Variants in CHD8 observed in about 807,000 individuals in gnomAD.
The protein encoded by CHD8 is ATP-dependent chromatin remodeler CHD8.
Under a neutral mutation model 279.2 loss-of-function variants are expected in CHD8, and 31 were observed. That is an observed-to-expected ratio of 0.11 (90% confidence interval 0.08 to 0.15). The LOEUF is 0.15. CHD8 is among the 10% of genes least tolerant of loss of function. CHD8 has a pLI of 1.00. For missense variants in CHD8, 2,146 were observed against 3,230.5 expected, an observed-to-expected ratio of 0.66 and a Z score of 8.14; for synonymous variants, 1,081 against 1,139.6, an observed-to-expected ratio of 0.95 and a Z score of 1.04.
chr14:21,391,692 G>T, intron 35 of CHD8, 50 bp from the exon 36 acceptor site: 2 of 1,519,118 alleles, frequency 1.3e-6, no homozygotes, highest in Non-Finnish European at 1.8e-6. Context: ...CTTTGGGGGA[G>T]GGAGGGAGGG....
chr14:21,398,186 T>C (rs1306083641), intron 26 of CHD8: 3 of 261,826 alleles, frequency 1.1e-5, no homozygotes, highest in Admixed American at 1.0e-4. Flanking sequence ...TCCCAAAGTG[T>C]TGGGATTCCA....
At chr14:21,416,364 T>C (rs1019905914) in intron 5 of CHD8, 6 of 152,700 alleles carry the variant, frequency 3.9e-5, no homozygotes, top group African/African-American at 1.2e-4. Flanking sequence ...TGATATTTCC[T>C]GGAAATGTTT....
In CHD8 at chr14:21,431,783, A is replaced by C. The variant is rs758776754; in HGVS notation, c.-140T>G. ...ACTACTCTTCAAGTATAGAGGCAAG[A>C]AACAAGTGCATGTCAGATTGTCCTG... On this transcript the variant is annotated 5_prime_UTR_variant, in exon 2 of 38. Coordinates refer to ENST00000646647, the MANE Select transcript of CHD8 (RefSeq NM_001170629.2). 12 of 1,613,636 alleles carry C rather than the reference A, an allele frequency of 7.4e-6. No homozygotes were observed. The highest frequency in any genetic ancestry group is 9.3e-6 in the Non-Finnish European group (11 of 1,179,586).
At chr14:21,447,362 A>G (rs1050737864) in intron 1 of CHD8, among the ~76,000 whole-genome samples, 13 of 151,152 alleles carry the variant, frequency 8.6e-5, no homozygotes, top group African/African-American at 3.2e-4. Flanking sequence ...TGAACGGATG[A>G]CACTATATCC....
chr14:21,431,176 G>C lies in CHD8; in HGVS notation c.468C>G (p.Ala156=). 6.3e-7 allele frequency: 1 copy of C among 1,599,216 alleles called. No individual in the cohort carries two copies. Among genetic ancestry groups the C allele is most frequent in the Non-Finnish European group, 8.5e-7 (1 of 1,179,690 alleles). The change falls in exon 2 of 38, where the codon GCC becomes GCG. Residue 156 remains alanine (A), a synonymous_variant. Transcript: ENST00000646647. ...SSAGGQPPQS[A]PKIVILKAPP... is the part of the protein sequence containing the mutation. ...GGGCCTTAAGGATAACAATCTTAGG[G>C]GCTGACTGAGGTGGCTGCCCTCCAG...
chr14:21,437,376 C>T, intron 1 of CHD8: 1 of 551,648 alleles, frequency 1.8e-6, no homozygotes, highest in Non-Finnish European at 2.4e-6. Flanking sequence ...CTATAAGGAG[C>T]TCCCTTCCCC....
chr14:21,452,119 C>T (rs905722616), intron 1 of CHD8, among the ~76,000 whole-genome samples: 2 of 152,146 alleles, frequency 1.3e-5, no homozygotes, highest in Non-Finnish European at 2.9e-5. Flanking sequence ...AGGCTCACTG[C>T]CATCTCCGCC....
Position 21,394,013 on chromosome 14 carries a change from G to C in CHD8, c.5782C>G (p.Arg1928Gly). The C allele has an allele frequency of 1.9e-6, 3 of 1,613,778 alleles. No homozygotes were observed. Among genetic ancestry groups the C allele is most frequent in the Non-Finnish European group, 2.5e-6 (3 of 1,179,820 alleles). Residue 1928 changes from arginine to glycine, a missense_variant, in exon 32 of 38, where the codon CGG becomes GGG. Physicochemically the swap from Arg to Gly is moderately radical, Grantham distance 125 (BLOSUM62 -2). Around this residue, in one of 26 missense-constraint regions of CHD8, gnomAD observed 513 missense variants for 637.6 expected, o/e 0.80. Coordinates refer to ENST00000646647, the MANE Select transcript of CHD8 (RefSeq NM_001170629.2). ...PELPKWWEPV[R>G]HDGELLRGAA... ...CCTCTTAGAAGCTCCCCATCATGCC[G>C]AACAGGCTCCCACCATTTGGGCAAT...
At chr14:21,417,488 G>A (rs1293005774) in intron 5 of CHD8, among the ~76,000 whole-genome samples, 1 of 152,134 alleles carries the variant, frequency 6.6e-6, no homozygotes, top group Non-Finnish European at 1.5e-5. Context: ...GACTGAGGTG[G>A]CAGGATCACT....
rs1487004224 is a variant in CHD8 at position 21,400,296 on chromosome 14, G to T, written c.4582C>A (p.Pro1528Thr). The change falls in exon 24 of 38, where the codon CCT becomes ACT. Residue 1528 changes from proline (P) to threonine (T), a missense_variant. Pro to Thr is a conservative substitution (Grantham distance 38, BLOSUM62 -1). Coordinates refer to ENST00000646647, the MANE Select transcript of CHD8 (RefSeq NM_001170629.2). The surrounding 1 kb of genome is among the most constrained non-coding windows in gnomAD (Gnocchi z 4.2). Reference sequence around the variant, plus strand: ...TTTCCTTTGCGTCCACGAGGCACAGGGATAGATAGACCTGGGAAAGGGGAG... The same window carrying T: ...TTTCCTTTGCGTCCACGAGGCACAGTGATAGATAGACCTGGGAAAGGGGAG... ...ELQNHSGLSI[P>T]VPRGRKGKKV... 6.2e-7 allele frequency: 1 copy of T among 1,613,736 alleles called. No individual in the cohort carries two copies. The highest frequency in any genetic ancestry group is 8.5e-7 in the Non-Finnish European group (1 of 1,179,882).
chr14:21,426,291 A>G, intron 4 of CHD8, 49 bp from the exon 5 acceptor site: 1 of 963,800 alleles, frequency 1.0e-6, no homozygotes, highest in Non-Finnish European at 1.6e-6. Context: ...AAGAAAATTT[A>G]GGAGTAAAAA....
intron 34 of CHD8, 118 bp downstream of exon 34, chr14:21,392,389 G>T (rs1211094993): frequency 1.9e-6 from 2 of 1,036,664 alleles, no homozygotes; most frequent in African/African-American, 1.6e-5. Flanking sequence ...TGTAAGCTCT[G>T]TTTTCTCATT....
intron 1 of CHD8, among the ~76,000 whole-genome samples, chr14:21,439,705 G>C (rs1355145283): frequency 6.6e-6 from 1 of 152,088 alleles, no homozygotes; most frequent in Non-Finnish European, 1.5e-5. Context: ...AATCAAACTT[G>C]TGCTGGAAAA....
At chr14:21,445,373 C>A (rs61973192) in intron 1 of CHD8, among the ~76,000 whole-genome samples, 3,718 of 151,700 alleles carry the variant, frequency 0.025, 51 homozygotes, top group African/African-American at 0.032. Context: ...AATTCAAGAC[C>A]TGCCTGGCCA....
rs770593901 is a variant in CHD8, at chr14:21,392,779, C to T, written c.6499G>A (p.Val2167Ile). The T allele has an allele frequency of 1.4e-5, 22 of 1,613,664 alleles. No homozygotes were observed. The highest frequency in any genetic ancestry group is 2.2e-5 in the South Asian group (2 of 91,072). ...TTCCCTGAGAGTACAGCCTGGCAGA[C>T]GAGGTCAATACGGTTTATCAGGACA... ...DRVLINRIDL[V>I]CQAVLSGKWP... Residue 2167 changes from valine to isoleucine, a missense_variant, in exon 34 of 38, where the codon GTC becomes ATC. By Grantham distance (29) the Val-to-Ile change is conservative (BLOSUM62 3). Transcript: ENST00000646647.
intron 1 of CHD8, chr14:21,436,898 T>C: frequency 8.0e-7 from 1 of 1,253,356 alleles, no homozygotes; most frequent in Non-Finnish European, 1.0e-6. Context: ...CCGGGTACAT[T>C]ACCTGCTCAT....
intron 1 of CHD8, chr14:21,437,270 T>G (rs1889825753): frequency 8.7e-7 from 1 of 1,152,406 alleles, no homozygotes; most frequent in Non-Finnish European, 1.1e-6. Flanking sequence ...CTGCGCAACC[T>G]AACCTGATGC....
rs1889928743 is a variant in CHD8 at position 21,440,489 on chromosome 14, G to A, written c.-215-8631C>T. Among the ~76,000 whole-genome samples, 2 of 152,186 alleles carry A rather than the reference G, an allele frequency of 1.3e-5. 1 individual carries two copies. The highest frequency in any genetic ancestry group is 4.8e-5 in the African/African-American group (2 of 41,440). ...CCCAAAGTGCTGAGATTACAGGTGT[G>A]AGCCACCGCATCCAGCCAAGAAAAT... On this transcript the variant is annotated intron_variant, in intron 1 of 37. Coordinates refer to ENST00000646647, the MANE Select transcript of CHD8 (RefSeq NM_001170629.2).
intron 32 of CHD8, 27 bp from the exon 33 acceptor site, chr14:21,393,281 G>A (rs768064256): frequency 4.3e-6 from 7 of 1,612,292 alleles, no homozygotes; most frequent in Non-Finnish European, 5.9e-6. Context: ...TAGAATGTGT[G>A]AGAAAAGATG....
Sources: allele counts gnomAD v4.1 joint callset (sites outside exome capture counted in the v4.1 genomes callset), GRCh38; gene constraint gnomAD v4.1.1; regional missense constraint gnomAD v4.1.1; non-coding constraint Gnocchi (gnomAD v3.1); transcripts MANE v1.5; gene names NCBI Gene and HGNC (gene_info 2026-07-23, HGNC 2026-07-21).